The following SIL1 variants were observed in gnomAD, a reference collection of about 807,000 sequenced individuals.
SIL1 encodes SIL1 nucleotide exchange factor, also known as nucleotide exchange factor SIL1.
A neutral mutation model predicts 49.1 loss-of-function variants in SIL1; 40 were observed. The observed-to-expected ratio is 0.81, with a 90% CI of 0.63 to 1.06. The LOEUF (loss-of-function observed/expected upper bound fraction) is 1.06, where lower values mean the gene tolerates loss of function less well. Among genes scored for constraint, SIL1 ranks in the 50% least tolerant of loss-of-function variants. The pLI, the probability that SIL1 is intolerant of heterozygous loss-of-function variation, is 0.00. For synonymous variants in SIL1, 253 were observed against 250.8 expected (o/e 1.01, Z -0.08); for missense variants, 500 against 572.6 (o/e 0.87, Z 1.29).
At chr5:139,046,962 C>T (rs1769179810) in intron 4 of SIL1, among the ~76,000 whole-genome samples, 1 of 152,202 alleles carries the variant, frequency 6.6e-6, no homozygotes, top group Admixed American at 6.5e-5. Flanking sequence ...TTTCTGTCTG[C>T]CAGCCTTGTG....
chr5:138,947,519 G>A lies in SIL1; in HGVS notation c.1030-46C>T. On this transcript the variant is annotated intron_variant, in intron 9 of 9. Transcript: ENST00000394817. The surrounding 1 kb of genome is among the most constrained non-coding windows in gnomAD (Gnocchi z 4.1). Reference sequence around the variant, plus strand: ...AGGCCAGGTAGGGTGGGGGTGGGGAGAGAACACACAGGGAGCAGTTAGCTC... The same window carrying A: ...AGGCCAGGTAGGGTGGGGGTGGGGAAAGAACACACAGGGAGCAGTTAGCTC... 6.4e-7 allele frequency: 1 copy of A among 1,558,660 alleles called. No homozygotes were observed. Among genetic ancestry groups the A allele is most frequent in the South Asian group, 1.1e-5 (1 of 90,026 alleles).
chr5:138,980,959 C>T (rs1437635727), intron 7 of SIL1, among the ~76,000 whole-genome samples: 1 of 152,076 alleles, frequency 6.6e-6, no homozygotes, highest in African/African-American at 2.4e-5. Flanking sequence ...AATCCCAGCA[C>T]TTAGGGAGGC....
chr5:139,121,021 G>A lies in SIL1; in HGVS notation c.244+14C>T. On this transcript the variant is annotated intron_variant, in intron 3 of 9. Transcript: ENST00000394817. ...TCAAAGTGTGTTTTGTGGGGACAGG[G>A]CTGGGCCTGATACCTGGCTGAAGGG... 6.2e-7 allele frequency: 1 copy of A among 1,613,788 alleles called. No individual in the cohort carries two copies. The highest frequency in any genetic ancestry group is 8.5e-7 in the Non-Finnish European group (1 of 1,180,020).
intron 9 of SIL1, among the ~76,000 whole-genome samples, chr5:138,949,553 G>A (rs144700278): frequency 2.0e-3 from 302 of 152,176 alleles, no homozygotes; most frequent in African/African-American, 6.7e-3. Context: ...AGTGACTCAC[G>A]CCTATAATTC....
At chr5:139,012,623 G>A (rs998123700) in intron 7 of SIL1, 3 of 152,122 alleles carry the variant, frequency 2.0e-5, no homozygotes, top group Non-Finnish European at 4.4e-5. Flanking sequence ...ATTATGTCAT[G>A]ATTTTTTCTT....
rs1369510189 is a variant in SIL1 at position 138,946,827 on chromosome 5, A to G, written c.*290T>C. The stretch of plus-strand genomic sequence containing the variant: ...ACAGAGCTGCTGCTTGGTAAGAAGC[A>G]GAGACTTGCAACTCCTGGGCCCAGG... On this transcript the variant is annotated 3_prime_UTR_variant, in exon 10 of 10. Transcript: ENST00000394817. The G allele has an allele frequency of 8.2e-6, 4 of 490,064 alleles. No homozygotes were observed. The highest frequency in any genetic ancestry group is 6.5e-5 in the South Asian group (3 of 45,840). The allele number at this position is 490,064 out of a possible 1,614,324, so 30.4% of individuals were successfully genotyped here. A position where few individuals can be genotyped will look rare whatever the true frequency, so the allele number is the denominator to read the frequency against.
chr5:139,070,399 T>C (rs1430081145), intron 3 of SIL1, among the ~76,000 whole-genome samples: 2 of 152,176 alleles, frequency 1.3e-5, no homozygotes, highest in Non-Finnish European at 2.9e-5. Flanking sequence ...CTTGAATGTA[T>C]GAGGATTATA....
At chr5:139,178,812 C>A (rs1186596761) in intron 1 of SIL1, among the ~76,000 whole-genome samples, 2 of 152,078 alleles carry the variant, frequency 1.3e-5, no homozygotes, top group African/African-American at 2.4e-5. Flanking sequence ...AAGCTGGAAC[C>A]CTATCTGACA....
At chr5:139,097,424 G>A (rs773908606) in intron 3 of SIL1, among the ~76,000 whole-genome samples, 26 of 151,248 alleles carry the variant, frequency 1.7e-4, no homozygotes, top group Non-Finnish European at 3.2e-4. Flanking sequence ...AAAACTATTA[G>A]AATTAACAAA....
intron 1 of SIL1, among the ~76,000 whole-genome samples, chr5:139,152,211 T>C (rs527925344): frequency 8.5e-5 from 13 of 152,248 alleles, no homozygotes; most frequent in Non-Finnish European, 1.5e-4. Flanking sequence ...TTCAGGTTCC[T>C]ATGCTCAGAC....
At chr5:139,155,819 A>G (rs1018112210) in intron 1 of SIL1, among the ~76,000 whole-genome samples, 2 of 150,728 alleles carry the variant, frequency 1.3e-5, no homozygotes, top group African/African-American at 4.9e-5. Flanking sequence ...ATGAGGGGGA[A>G]CTGTCCCAGG....
At chr5:139,124,354 A>G (rs780868653) in intron 2 of SIL1, among the ~76,000 whole-genome samples, 2 of 152,232 alleles carry the variant, frequency 1.3e-5, no homozygotes, top group Non-Finnish European at 2.9e-5. Flanking sequence ...CTCTTTTGCA[A>G]CAATCCTGTC....
Position 139,026,834 on chromosome 5 carries a change from A to G in SIL1, c.612T>C (p.Ala204=), listed in dbSNP as rs1326571965. Residue 204 remains alanine (A), a synonymous_variant, in exon 6 of 10, where the codon GCT becomes GCC. Transcript: ENST00000394817. ...CATAATATTCAAGATCAAAGAGCGC[A>G]GCAATCTTCTCTTCCAAACTGGAGC... The part of the protein sequence containing the change: ...SSSSSLEEKI[A]ALFDLEYYVH... 2 of 1,614,170 alleles carry G rather than the reference A, an allele frequency of 1.2e-6. No individual in the cohort carries two copies. The highest frequency in any genetic ancestry group is 3.3e-5 in the Admixed American group (2 of 60,032).
At chr5:139,137,437 A>C (rs1479916450) in intron 1 of SIL1, 1 of 664,460 alleles carries the variant, frequency 1.5e-6, no homozygotes, top group South Asian at 1.6e-5. Context: ...GGGTCTGTGA[A>C]ATCAGCCACA....
At position 139,134,749 on chromosome 5, in the gene SIL1, C is replaced by T. The variant is rs541996067; in HGVS notation, c.-10-6896G>A. ...TATTGGCATCCAGAGAGCCAAGCCA[C>T]CAACATGCAGAACTGCCAGCTGCAG... On this transcript the variant is annotated intron_variant, in intron 1 of 9. Transcript: ENST00000394817. 3.3e-5 allele frequency among the ~76,000 whole-genome samples: 5 copies of T among 152,324 alleles called. No individual in the cohort carries two copies. The South Asian group carries it at 1.0e-3, about 32-fold the overall frequency.
chr5:139,141,052 G>A (rs1751071729), intron 1 of SIL1, among the ~76,000 whole-genome samples: 1 of 152,186 alleles, frequency 6.6e-6, no homozygotes, highest in South Asian at 2.1e-4. Flanking sequence ...GCAGCAATAG[G>A]AACCAGAGCT....
At chr5:139,051,542 C>T (rs936593152) in intron 3 of SIL1, among the ~76,000 whole-genome samples, 2 of 152,216 alleles carry the variant, frequency 1.3e-5, no homozygotes, top group Admixed American at 6.5e-5. Flanking sequence ...TTTAATTAGG[C>T]TCCTTCTATG....
chr5:138,952,874 C>T (rs1766814992), intron 7 of SIL1, among the ~76,000 whole-genome samples: 1 of 152,250 alleles, frequency 6.6e-6, no homozygotes, highest in Non-Finnish European at 1.5e-5. Flanking sequence ...TTGCAGGCTC[C>T]TTGCTTTTCA....
intron 7 of SIL1, among the ~76,000 whole-genome samples, chr5:138,998,908 G>C (rs1293229419): frequency 1.4e-5 from 2 of 140,146 alleles, no homozygotes; most frequent in African/African-American, 5.4e-5. Flanking sequence ...CCAGGCTGGA[G>C]TGCAATGGCA....
Sources: gnomAD v4.1 joint callset for allele counts (sites outside exome capture counted in the v4.1 genomes callset) on GRCh38, gnomAD v4.1.1 for gene constraint, Gnocchi (gnomAD v3.1) non-coding constraint, MANE v1.5 for transcripts, NCBI Gene and HGNC (gene_info 2026-07-23, HGNC 2026-07-21) for gene names.